DDX4: variants seen among roughly 807,000 people sequenced by gnomAD.
DDX4 encodes probable ATP-dependent RNA helicase DDX4.
A neutral mutation model predicts 100.0 loss-of-function variants in DDX4; 25 were observed. That is an observed-to-expected ratio of 0.25 (90% CI 0.18 to 0.35). The LOEUF (loss-of-function observed/expected upper bound fraction) is 0.35. DDX4 is among the 10% of genes least tolerant of loss of function. DDX4 has a pLI of 1.00. For synonymous variants in DDX4, 259 were observed against 275.7 expected, an observed-to-expected ratio of 0.94 and a Z score of 0.60; for missense variants, 635 against 882.4, an observed-to-expected ratio of 0.72 and a Z score of 3.55.
chr5:55,793,737 T>G (rs2112070629), intron 17 of DDX4, among the ~76,000 whole-genome samples: 1 of 152,338 alleles, frequency 6.6e-6, no homozygotes, highest in South Asian at 2.1e-4. Context: ...TTTGAGGAAT[T>G]ACCGTGTCAT....
At chr5:55,780,386 C>T (rs1741836437) in intron 8 of DDX4, among the ~76,000 whole-genome samples, 1 of 152,290 alleles carries the variant, frequency 6.6e-6, no homozygotes, top group East Asian at 1.9e-4. Context: ...GGCTTTACCT[C>T]CCCACATACC....
At chr5:55,806,244 G>A (rs162095) in intron 18 of DDX4, among the ~76,000 whole-genome samples, 60,937 of 151,764 alleles carry the variant, frequency 0.4, 13,596 homozygotes, top group African/African-American at 0.58. Flanking sequence ...CTAGCAGTCT[G>A]TCAATTTTGT....
intron 19 of DDX4, among the ~76,000 whole-genome samples, chr5:55,814,295 A>G (rs889747031): frequency 3.9e-5 from 6 of 152,232 alleles, no homozygotes; most frequent in African/African-American, 7.2e-5. Flanking sequence ...ACTATAAAGC[A>G]TAGAGATTAT....
intron 21 of DDX4, 132 bp downstream of exon 21, chr5:55,815,555 T>C: frequency 8.0e-7 from 1 of 1,252,484 alleles, no homozygotes; most frequent in Admixed American, 3.5e-5. Context: ...AGCTACTTTA[T>C]TATTTCATTA....
intron 7 of DDX4, among the ~76,000 whole-genome samples, chr5:55,768,469 A>G (rs1160212144): frequency 1.3e-5 from 2 of 152,040 alleles, no homozygotes; most frequent in Non-Finnish European, 2.9e-5. Flanking sequence ...ATTCTTTTTT[A>G]TGGCTGCCTA....
At chr5:55,813,565 A>G in intron 18 of DDX4, 108 bp from the exon 19 acceptor site, 1 of 1,395,630 alleles carries the variant, frequency 7.2e-7, no homozygotes, top group East Asian at 2.6e-5. Context: ...CTGGTAGTAA[A>G]TACAGTGGTG....
chr5:55,816,718 A>C lies in DDX4; in HGVS notation c.*178A>C. On this transcript the variant is annotated 3_prime_UTR_variant, in exon 22 of 22. Transcript: ENST00000505374. ...AGTTATGTGAGATGCTAAAACTTAC[A>C]ACATTGCAGTTACTGATACAAATGG... The C allele has an allele frequency of 9.5e-7, 1 of 1,054,096 alleles. No homozygotes were observed. The highest frequency in any genetic ancestry group is 2.2e-5 in the South Asian group (1 of 45,308). 65.3% of individuals were successfully genotyped at this position (1,054,096 alleles called of 1,614,324 possible).
chr5:55,749,061 A>C (rs1007568393), intron 3 of DDX4, among the ~76,000 whole-genome samples: 2 of 152,324 alleles, frequency 1.3e-5, no homozygotes, highest in Middle Eastern at 3.4e-3. Context: ...AACCCTTCTA[A>C]ACAACTGGTA....
At position 55,756,766 on chromosome 5, in the gene DDX4, A is replaced by G. The variant is rs1044273743; in HGVS notation, c.128-3434A>G. 3.9e-5 allele frequency among the ~76,000 whole-genome samples: 6 copies of G among 152,206 alleles called. No individual in the cohort carries two copies. The South Asian group carries it at 1.0e-3, about 26-fold the overall frequency. On this transcript the variant is annotated intron_variant, in intron 3 of 21. Transcript: ENST00000505374. The stretch of plus-strand genomic sequence containing the variant: ...TACACTAACACTAAATTCATTTTAA[A>G]TGGACTTCATTTTTATTTCTTTTGG...
At chr5:55,775,455 A>G (rs1459274903) in intron 7 of DDX4, among the ~76,000 whole-genome samples, 3 of 152,160 alleles carry the variant, frequency 2.0e-5, no homozygotes, top group Non-Finnish European at 4.4e-5. Context: ...GGTTGCTTCA[A>G]GCCTTTTATT....
At position 55,812,016 on chromosome 5, in the gene DDX4, G is replaced by A. The variant is rs952515243; in HGVS notation, c.1616-1657G>A. On this transcript the variant is annotated intron_variant, in intron 18 of 21. Coordinates refer to ENST00000505374, the MANE Select transcript of DDX4 (RefSeq NM_024415.3). ...TGTTTTGGTTTTTTTTAAACTAAAG[G>A]TATTAGTCTCATTTACCAAAGATTT... Among the ~76,000 whole-genome samples, 15 of 152,204 alleles carry A rather than the reference G, an allele frequency of 9.9e-5. 2 individuals carry two copies. The highest frequency in any genetic ancestry group is 6.8e-3 in the Middle Eastern group (2 of 294).
At chr5:55,804,152 C>T (rs1178857889) in intron 18 of DDX4, among the ~76,000 whole-genome samples, 1 of 151,964 alleles carries the variant, frequency 6.6e-6, no homozygotes, top group African/African-American at 2.4e-5. Flanking sequence ...GTCCTTTGCC[C>T]ACTTTTTGAT....
intron 18 of DDX4, among the ~76,000 whole-genome samples, chr5:55,805,937 G>C (rs1397446315): frequency 6.6e-6 from 1 of 152,162 alleles, no homozygotes. Flanking sequence ...GAATTCAGCT[G>C]TGAATCCATC....
In DDX4 at chr5:55,815,437, A is replaced by G; in HGVS notation, c.2097+14A>G. ...GATACCAGAAAGGTTAGTAGAAAGG[A>G]AAACTTGAGAACTTGTCTTCTAGTT... On this transcript the variant is annotated intron_variant, in intron 21 of 21. Transcript: ENST00000505374. 2 of 1,598,378 alleles carry G rather than the reference A, an allele frequency of 1.3e-6. No individual in the cohort carries two copies. The highest frequency in any genetic ancestry group is 1.3e-5 in the African/African-American group (1 of 74,122).
At chr5:55,744,428 T>TC (rs1403067485) in intron 2 of DDX4, among the ~76,000 whole-genome samples, 1 of 152,154 alleles carries the variant, frequency 6.6e-6, no homozygotes, top group Admixed American at 6.5e-5. Context: ...AAAGGAAGTT[T>TC]ACGTGAGAAG....
intron 18 of DDX4, among the ~76,000 whole-genome samples, chr5:55,809,797 A>T (rs1744003642): frequency 6.6e-6 from 1 of 152,214 alleles, no homozygotes; most frequent in South Asian, 2.1e-4. Flanking sequence ...CCACTGAAGA[A>T]GATGTTAGAT....
chr5:55,740,609 G>A (rs955887633), intron 2 of DDX4, among the ~76,000 whole-genome samples: 2 of 149,936 alleles, frequency 1.3e-5, no homozygotes, highest in African/African-American at 4.9e-5. Context: ...AGGTTCAAGC[G>A]ATTTTCCTGC....
At chr5:55,799,396 G>T (rs1296769539) in intron 18 of DDX4, among the ~76,000 whole-genome samples, 1 of 152,082 alleles carries the variant, frequency 6.6e-6, no homozygotes, top group Non-Finnish European at 1.5e-5. Flanking sequence ...AATTTTTTGA[G>T]ACGGGGCCTT....
chr5:55,780,214 T>A, intron 8 of DDX4, 149 bp downstream of exon 8: 3 of 1,280,454 alleles, frequency 2.3e-6, no homozygotes, highest in Non-Finnish European at 3.1e-6. Flanking sequence ...ACATTGTATA[T>A]AACATTATTT....
Sources: allele counts gnomAD v4.1 joint callset (sites outside exome capture counted in the v4.1 genomes callset), GRCh38; gene constraint gnomAD v4.1.1; transcripts MANE v1.5; gene names NCBI Gene and HGNC (gene_info 2026-07-23, HGNC 2026-07-21).